Variants in PPM1E observed in about 807,000 individuals in gnomAD.
PPM1E encodes protein phosphatase, Mg2+/Mn2+ dependent 1E.
In PPM1E, 20 loss-of-function variants were observed where a neutral mutation model predicts 65.9. The ratio of observed to expected loss-of-function variants is 0.30; its 90% CI spans 0.21 to 0.44. The LOEUF (loss-of-function observed/expected upper bound fraction) is 0.44. Ranked by LOEUF, PPM1E falls within the 20% of genes least tolerant of loss-of-function variation. PPM1E has a pLI of 1.00. For synonymous variants in PPM1E, 352 were observed against 374.9 expected (o/e 0.94, Z 0.70); for missense variants, 713 against 953.1 (o/e 0.75, Z 3.32).
chr17:58,968,777 G>T (rs553773511), intron 3 of PPM1E, among the ~76,000 whole-genome samples: 1 of 152,318 alleles, frequency 6.6e-6, no homozygotes, highest in South Asian at 2.1e-4. Flanking sequence ...GGAATCTTAT[G>T]ATTAGGCTTT....
intron 1 of PPM1E, among the ~76,000 whole-genome samples, chr17:58,877,005 A>C (rs775475794): frequency 9.2e-5 from 14 of 152,150 alleles, no homozygotes; most frequent in Non-Finnish European, 1.6e-4. Flanking sequence ...GGATGGTTTC[A>C]ATCTGCTGAC....
intron 1 of PPM1E, among the ~76,000 whole-genome samples, chr17:58,802,668 C>T (rs2050269729): frequency 1.3e-5 from 2 of 152,030 alleles, no homozygotes; most frequent in African/African-American, 4.8e-5. Flanking sequence ...AATCCATGAA[C>T]ACAGGATATC....
At chr17:58,831,662 ATTCCTGGAG>A (rs2050607173) in intron 1 of PPM1E, among the ~76,000 whole-genome samples, 1 of 152,136 alleles carries the variant, frequency 6.6e-6, no homozygotes, top group South Asian at 2.1e-4. Context: ...AGTTCCTTAG[ATTCCTGGAG>A]TTCTTTGATG....
At chr17:58,916,046 T>C (rs10853008) in intron 1 of PPM1E, among the ~76,000 whole-genome samples, 45,047 of 152,150 alleles carry the variant, frequency 0.3, 7,218 homozygotes, top group Admixed American at 0.44. Context: ...TTTCTCGTTA[T>C]GTTGCCCAGT....
intron 1 of PPM1E, among the ~76,000 whole-genome samples, chr17:58,820,389 C>G (rs943436098): frequency 1.8e-4 from 28 of 152,172 alleles, no homozygotes; most frequent in Admixed American, 6.5e-5. Flanking sequence ...CAGGAAAATG[C>G]AGCTGATAAT....
At position 58,932,191 on chromosome 17, in the gene PPM1E, G is replaced by A. The variant is rs376714218; in HGVS notation, c.465-23458G>A. Among the ~76,000 whole-genome samples the A allele has an allele frequency of 4.9e-4, 74 of 152,226 alleles. 1 individual carries two copies. Among genetic ancestry groups the A allele is most frequent in the East Asian group, 4.6e-3 (24 of 5,184 alleles). The stretch of plus-strand genomic sequence containing the variant: ...AAGTGCTAAAACTAGCAGGAGGGCC[G>A]TGCGCGGTGGCTCACGCCTGTAATC... On this transcript the variant is annotated intron_variant, in intron 1 of 6. Transcript: ENST00000308249.
At chr17:58,826,411 T>A (rs778422125) in intron 1 of PPM1E, among the ~76,000 whole-genome samples, 10 of 152,058 alleles carry the variant, frequency 6.6e-5, no homozygotes, top group Non-Finnish European at 1.2e-4. Context: ...TAGCTACAGA[T>A]ATCTACAGCA....
chr17:58,814,570 G>C (rs1567841284), intron 1 of PPM1E, among the ~76,000 whole-genome samples: 1 of 152,178 alleles, frequency 6.6e-6, no homozygotes. Context: ...ACCAGATACA[G>C]ATAATACCTT....
chr17:58,771,193 A>G (rs932812352), intron 1 of PPM1E, among the ~76,000 whole-genome samples: 6 of 151,968 alleles, frequency 3.9e-5, no homozygotes, highest in South Asian at 2.1e-4. Flanking sequence ...ACAAATAAAG[A>G]TAGTCTTATG....
chr17:58,980,635 A>C lies in PPM1E; in HGVS notation c.1872A>C (p.Gly624=). The change falls in exon 7 of 7, where the codon GGA becomes GGC. Residue 624 remains glycine, a synonymous_variant. Coordinates refer to ENST00000308249, the MANE Select transcript of PPM1E (RefSeq NM_014906.5). The surrounding 1 kb of genome is among the most constrained non-coding windows in gnomAD (Gnocchi z 4.7). The part of the protein sequence containing the change: ...QSSLPEWSGA[G]EFPTAFNLGS... Reference sequence around the variant, plus strand: ...CATTGCCTGAATGGAGTGGTGCTGGAGAGTTTCCCACTGCTTTCAATTTGG... The same window carrying C: ...CATTGCCTGAATGGAGTGGTGCTGGCGAGTTTCCCACTGCTTTCAATTTGG... 6.2e-7 allele frequency: 1 copy of C among 1,614,200 alleles called. No homozygotes were observed. Among genetic ancestry groups the C allele is most frequent in the Non-Finnish European group, 8.5e-7 (1 of 1,180,020 alleles).
At chr17:58,831,376 A>G (rs2050604654) in intron 1 of PPM1E, among the ~76,000 whole-genome samples, 1 of 152,180 alleles carries the variant, frequency 6.6e-6, no homozygotes, top group Non-Finnish European at 1.5e-5. Context: ...AAGGGAATAC[A>G]CTTGTTTATA....
chr17:58,849,280 G>T (rs2050802139), intron 1 of PPM1E, among the ~76,000 whole-genome samples: 1 of 151,986 alleles, frequency 6.6e-6, no homozygotes, highest in Admixed American at 6.6e-5. Flanking sequence ...CTTCAATTCT[G>T]CTCTGATCTT....
chr17:58,864,021 G>T (rs1270100358), intron 1 of PPM1E, among the ~76,000 whole-genome samples: 1 of 151,364 alleles, frequency 6.6e-6, no homozygotes, highest in Non-Finnish European at 1.5e-5. Context: ...CAGGCTTGAG[G>T]GTGGAACCTT....
intron 1 of PPM1E, among the ~76,000 whole-genome samples, chr17:58,852,010 C>T (rs998516628): frequency 1.3e-5 from 2 of 152,218 alleles, no homozygotes; most frequent in African/African-American, 4.8e-5. Context: ...TAGCTGCTGC[C>T]TTGCAGTTCG....
chr17:58,881,585 C>G (rs2051194863), intron 1 of PPM1E, among the ~76,000 whole-genome samples: 1 of 152,056 alleles, frequency 6.6e-6, no homozygotes, highest in Non-Finnish European at 1.5e-5. Flanking sequence ...TTGCCTGAAC[C>G]CGGGAGGTGG....
intron 1 of PPM1E, among the ~76,000 whole-genome samples, chr17:58,946,362 C>T (rs1242554626): frequency 6.6e-6 from 1 of 152,108 alleles, no homozygotes; most frequent in Non-Finnish European, 1.5e-5. Flanking sequence ...ATTTGTATAT[C>T]TTCTTTGGAA....
chr17:58,926,861 G>A (rs1164265020), intron 1 of PPM1E, among the ~76,000 whole-genome samples: 4 of 151,916 alleles, frequency 2.6e-5, no homozygotes, highest in Non-Finnish European at 5.9e-5. Context: ...TAACTGAATG[G>A]ACTATAATAT....
intron 1 of PPM1E, among the ~76,000 whole-genome samples, chr17:58,841,155 G>A (rs181609240): frequency 1.6e-4 from 24 of 152,236 alleles, no homozygotes; most frequent in Non-Finnish European, 2.6e-4. Flanking sequence ...TAAATAATTG[G>A]ATAAATTAAT....
intron 1 of PPM1E, among the ~76,000 whole-genome samples, chr17:58,837,332 TACACACACAC>T (rs59797345): frequency 7.6e-6 from 1 of 131,366 alleles, no homozygotes; most frequent in African/African-American, 2.9e-5. Flanking sequence ...CACACACACA[TACACACACAC>T]ACACACACAC....
Sources: allele counts gnomAD v4.1 joint callset (sites outside exome capture counted in the v4.1 genomes callset), GRCh38; gene constraint gnomAD v4.1.1; non-coding constraint Gnocchi (gnomAD v3.1); transcripts MANE v1.5; gene names NCBI Gene and HGNC (gene_info 2026-07-23, HGNC 2026-07-21).